The following PPIC variants were observed in gnomAD, a reference collection of about 807,000 sequenced individuals.
PPIC encodes peptidyl-prolyl cis-trans isomerase C.
PPIC carries 19 observed loss-of-function variants against 19.5 expected under a neutral mutation model. That is an observed-to-expected ratio of 0.98 (90% confidence interval 0.68 to 1.43). The LOEUF (loss-of-function observed/expected upper bound fraction) is 1.43, where lower values mean the gene tolerates loss of function less well. Among genes scored for constraint, PPIC ranks in the 40% most tolerant of loss-of-function variants. The pLI is 0.00. For missense variants in PPIC, 268 were observed against 268.6 expected (o/e 1.00, Z 0.02); for synonymous variants, 107 against 101.2 (o/e 1.06, Z -0.34).
chr5:123,036,554 C>G lies in PPIC; in HGVS notation c.72G>C (p.Ser24=), dbSNP rs777481445. ...CTCGCTTGCGGAAGCCCTCGGCCCC[C>G]GAAGAAAACACAAGTGCGCCGAGCC... ...CVGLGALVFS[S]GAEGFRKRGP... The change falls in exon 1 of 5, where the codon TCG becomes TCC. Residue 24 remains serine (S), a synonymous_variant. Coordinates refer to ENST00000306442, the MANE Select transcript of PPIC (RefSeq NM_000943.5). The surrounding 1 kb of genome is among the most constrained non-coding windows in gnomAD (Gnocchi z 4.5). 1 of 1,604,534 alleles carries G rather than the reference C, an allele frequency of 6.2e-7. No individual in the cohort carries two copies. The highest frequency in any genetic ancestry group is 1.1e-5 in the South Asian group (1 of 89,400).
chr5:123,036,472 G>A lies in PPIC; in HGVS notation c.117+37C>T. The A allele has an allele frequency of 1.3e-6, 2 of 1,567,202 alleles. No individual in the cohort carries two copies. Among genetic ancestry groups the A allele is most frequent in the Non-Finnish European group, 1.7e-6 (2 of 1,147,642 alleles). ...CCAAAGCGCCCCCAGGGCCCCGCCCGCAACAGGGGAAGTTGCAGCCCGCCG... is the reference window on the plus strand; with the variant it reads ...CCAAAGCGCCCCCAGGGCCCCGCCCACAACAGGGGAAGTTGCAGCCCGCCG... On this transcript the variant is annotated intron_variant, in intron 1 of 4. Transcript: ENST00000306442. This position sits in a 1 kb window ranked among gnomAD's most constrained non-coding sequence, Gnocchi z 4.5.
At chr5:123,025,643 A>G (rs1021791472) in intron 4 of PPIC, 141 bp downstream of exon 4, 9 of 821,150 alleles carry the variant, frequency 1.1e-5, no homozygotes, top group Non-Finnish European at 1.7e-5. Flanking sequence ...GCCATACCAT[A>G]TATAATTTAT....
chr5:123,023,805 A>G lies in PPIC; in HGVS notation c.*70T>C. ...AAAAAGCAAATAATTGAAAGACAACACAACACACACACACACACACACACA... is the reference window on the plus strand; with the variant it reads ...AAAAAGCAAATAATTGAAAGACAACGCAACACACACACACACACACACACA... On this transcript the variant is annotated 3_prime_UTR_variant, in exon 5 of 5. Transcript: ENST00000306442. The G allele has an allele frequency of 8.1e-7, 1 of 1,236,708 alleles. No homozygotes were observed. Among genetic ancestry groups the G allele is most frequent in the East Asian group, 2.5e-5 (1 of 40,292 alleles). The allele number at this position is 1,236,708 out of a possible 1,614,324, so 76.6% of individuals were successfully genotyped here.
chr5:123,030,719 G>C (rs1762929862), intron 1 of PPIC, among the ~76,000 whole-genome samples: 1 of 152,148 alleles, frequency 6.6e-6, no homozygotes. Context: ...CATGGCTTGG[G>C]ATAGGAAGGT....
chr5:123,028,774 C>T lies in PPIC; in HGVS notation c.325+1G>A. ...GGAAAGGAAAAATGCAAAGACGTTACCCCCAGTGCCATCTCCAGTGGTGAT... is the reference window on the plus strand; with the variant it reads ...GGAAAGGAAAAATGCAAAGACGTTATCCCCAGTGCCATCTCCAGTGGTGAT... On this transcript the variant is annotated splice_donor_variant, in intron 3 of 4. Transcript: ENST00000306442. LOFTEE classifies it high-confidence loss of function. 6.2e-7 allele frequency: 1 copy of T among 1,607,414 alleles called. No individual in the cohort carries two copies. The highest frequency in any genetic ancestry group is 8.5e-7 in the Non-Finnish European group (1 of 1,175,158).
intron 3 of PPIC, among the ~76,000 whole-genome samples, chr5:123,026,894 G>A (rs1311725100): frequency 6.6e-6 from 1 of 152,116 alleles, no homozygotes; most frequent in Admixed American, 6.5e-5. Flanking sequence ...TTCTGATTCA[G>A]TTAGAAAACC....
intron 1 of PPIC, among the ~76,000 whole-genome samples, chr5:123,035,835 C>A (rs200738767): frequency 6.6e-6 from 1 of 152,210 alleles, no homozygotes; most frequent in African/African-American, 2.4e-5. Flanking sequence ...CCCCCCGCCC[C>A]CTTTCCCCGC....
At chr5:123,029,790 G>C (rs879817937) in intron 1 of PPIC, among the ~76,000 whole-genome samples, 3 of 152,196 alleles carry the variant, frequency 2.0e-5, no homozygotes, top group Non-Finnish European at 2.9e-5. Flanking sequence ...ATGAAGAGTA[G>C]AATGGAAAAT....
chr5:123,033,653 A>G (rs773324661), intron 1 of PPIC, among the ~76,000 whole-genome samples: 1 of 152,232 alleles, frequency 6.6e-6, no homozygotes, highest in Non-Finnish European at 1.5e-5. Context: ...GGACTAAGAC[A>G]TCTGCTTTAC....
chr5:123,032,151 G>A (rs2150190407), intron 1 of PPIC, among the ~76,000 whole-genome samples: 1 of 152,310 alleles, frequency 6.6e-6, no homozygotes, highest in South Asian at 2.1e-4. Flanking sequence ...GGAAGAAAGA[G>A]GGAAGGAAGC....
Position 123,023,807 on chromosome 5 carries a change from A to AACAAACACACAC in PPIC, c.*67_*68insGTGTGTGTTTGT, listed in dbSNP as rs1554081581. On this transcript the variant is annotated 3_prime_UTR_variant, in exon 5 of 5. Coordinates refer to ENST00000306442, the MANE Select transcript of PPIC (RefSeq NM_000943.5). Reference sequence around the variant, plus strand: ...AAAGCAAATAATTGAAAGACAACACAACACACACACACACACACACACACA... The same window carrying AACAAACACACAC: ...AAAGCAAATAATTGAAAGACAACACAACAAACACACACACACACACACACACACACACACACA... 9.3e-6 allele frequency: 12 copies of AACAAACACACAC among 1,294,874 alleles called. No homozygotes were observed. The highest frequency in any genetic ancestry group is 1.2e-5 in the Non-Finnish European group (12 of 980,220). 80.2% of individuals were successfully genotyped at this position (1,294,874 alleles called of 1,614,324 possible).
chr5:123,035,908 G>C (rs957515533), intron 1 of PPIC, among the ~76,000 whole-genome samples: 38 of 152,152 alleles, frequency 2.5e-4, no homozygotes, highest in South Asian at 6.2e-4. Context: ...CCCACAGCAG[G>C]GGCCGCCCGC....
intron 1 of PPIC, among the ~76,000 whole-genome samples, chr5:123,033,770 G>T (rs1158446174): frequency 6.6e-6 from 1 of 152,188 alleles, no homozygotes; most frequent in Non-Finnish European, 1.5e-5. Context: ...AGGCCATCTA[G>T]CCACAGCCTC....
chr5:123,035,020 G>A (rs1762987384), intron 1 of PPIC, among the ~76,000 whole-genome samples: 1 of 152,090 alleles, frequency 6.6e-6, no homozygotes, highest in Non-Finnish European at 1.5e-5. Context: ...CTCAATACCC[G>A]CATGCCTACC....
In PPIC at chr5:123,023,833, C is replaced by T; in HGVS notation, c.*42G>A. ...ACACACACACACACACACACACACA[C>T]ACACCCCTGCCAAAGCATATCCTTG... On this transcript the variant is annotated 3_prime_UTR_variant, in exon 5 of 5. Transcript: ENST00000306442. The T allele has an allele frequency of 1.2e-6, 2 of 1,607,834 alleles. No individual in the cohort carries two copies. The highest frequency in any genetic ancestry group is 1.7e-6 in the Non-Finnish European group (2 of 1,177,006).
rs952818587 is a variant in PPIC at position 123,023,983 on chromosome 5, C to T, written c.531G>A (p.Glu177=). 1.2e-6 allele frequency: 2 copies of T among 1,613,556 alleles called. No homozygotes were observed. Among genetic ancestry groups the T allele is most frequent in the Non-Finnish European group, 1.7e-6 (2 of 1,179,686 alleles). The change falls in exon 5 of 5, where the codon GAG becomes GAA. Residue 177 remains glutamate, a synonymous_variant. Transcript: ENST00000306442. ...IDGMTVVHSI[E]LQATDGHDRP... The stretch of plus-strand genomic sequence containing the variant: ...GGTCATGCCCATCAGTTGCTTGGAG[C>T]TCTATGGAGTGCACCACTGTCTGGT...
At chr5:123,025,718 T>C (rs1354940870) in intron 4 of PPIC, 66 bp downstream of exon 4, 1 of 1,494,478 alleles carries the variant, frequency 6.7e-7, no homozygotes, top group Non-Finnish European at 9.2e-7. Context: ...AAGATTAAAA[T>C]AAATCACTGA....
At chr5:123,030,202 G>A (rs762352231) in intron 1 of PPIC, among the ~76,000 whole-genome samples, 1 of 152,212 alleles carries the variant, frequency 6.6e-6, no homozygotes, top group South Asian at 2.1e-4. Context: ...ATAGCCAGGA[G>A]TGAGTGTGAA....
Position 123,036,374 on chromosome 5 carries a change from C to A in PPIC, c.117+135G>T, listed in dbSNP as rs1763012639. 7 of 801,734 alleles carry A rather than the reference C, an allele frequency of 8.7e-6. No homozygotes were observed. The highest frequency in any genetic ancestry group is 1.4e-5 in the Non-Finnish European group (7 of 495,034). 49.7% of individuals were successfully genotyped at this position (801,734 alleles called of 1,614,324 possible). A position where few individuals can be genotyped will look rare whatever the true frequency, so the allele number is the denominator to read the frequency against. Reference sequence around the variant, plus strand: ...GCGAGCAGCCCCCTCCCACCCAGTCCCGCGGCCGCCTCCAGTCCCCCTGCG... The same window carrying A: ...GCGAGCAGCCCCCTCCCACCCAGTCACGCGGCCGCCTCCAGTCCCCCTGCG... On this transcript the variant is annotated intron_variant, in intron 1 of 4. Coordinates refer to ENST00000306442, the MANE Select transcript of PPIC (RefSeq NM_000943.5). This position sits in a 1 kb window ranked among gnomAD's most constrained non-coding sequence, Gnocchi z 4.5.
Sources: gnomAD v4.1 joint callset for allele counts (sites outside exome capture counted in the v4.1 genomes callset) on GRCh38, gnomAD v4.1.1 for gene constraint, Gnocchi (gnomAD v3.1) non-coding constraint, MANE v1.5 for transcripts, NCBI Gene and HGNC (gene_info 2026-07-23, HGNC 2026-07-21) for gene names.